Variants in UNC119B observed in about 807,000 individuals in gnomAD.
UNC119B encodes unc-119 lipid binding chaperone B, also known as protein unc-119 homolog B.
UNC119B carries 16 observed loss-of-function variants against 23.4 expected under a neutral mutation model. The ratio of observed to expected loss-of-function variants is 0.68; its 90% CI spans 0.46 to 1.04. The LOEUF (loss-of-function observed/expected upper bound fraction) is 1.04. Among genes scored for constraint, UNC119B ranks in the 50% least tolerant of loss-of-function variants. UNC119B has a pLI of 0.00. For missense variants in UNC119B, 350 were observed against 361.3 expected (o/e 0.97, Z 0.25); for synonymous variants, 144 against 145.4 (o/e 0.99, Z 0.07).
In UNC119B at chr12:120,710,563, C is replaced by T. The variant is rs1882637768; in HGVS notation, c.89C>T (p.Ala30Val). 5 of 1,393,962 alleles carry T rather than the reference C, an allele frequency of 3.6e-6. No homozygotes were observed. The South Asian group carries it at 4.7e-5, about 13-fold the overall frequency. The allele number at this position is 1,393,962 out of a possible 1,614,324, so 86.3% of individuals were successfully genotyped here. A position where few individuals can be genotyped will look rare whatever the true frequency, so the allele number is the denominator to read the frequency against. ...GCTGGCAAGGAGGAGAAGAAGAAGGCGGGCGGCGGCGTCCTGAACCGCCTG... is the reference window on the plus strand; with the variant it reads ...GCTGGCAAGGAGGAGAAGAAGAAGGTGGGCGGCGGCGTCCTGAACCGCCTG... ...LVAGKEEKKK[A>V]GGGVLNRLKA... Residue 30 changes from alanine to valine, a missense_variant, in exon 1 of 5, where the codon GCG becomes GTG. Coordinates refer to ENST00000344651, the MANE Select transcript of UNC119B (RefSeq NM_001080533.3).
chr12:120,716,512 C>T (rs1882782646), intron 2 of UNC119B, 116 bp from the exon 3 acceptor site: 1 of 1,067,740 alleles, frequency 9.4e-7, no homozygotes. Context: ...ACTGGCCATT[C>T]TTCTTGTTGG....
At chr12:120,714,826 C>G (rs941583393) in intron 2 of UNC119B, among the ~76,000 whole-genome samples, 3 of 152,112 alleles carry the variant, frequency 2.0e-5, no homozygotes, top group Non-Finnish European at 4.4e-5. Context: ...GCTGAAGATA[C>G]TGTAAAGTAT....
Position 120,717,009 on chromosome 12 carries a change from A to C in UNC119B, c.610A>C (p.Ile204Leu). 7 of 1,607,770 alleles carry C rather than the reference A, an allele frequency of 4.4e-6. No individual in the cohort carries two copies. Among genetic ancestry groups the C allele is most frequent in the Non-Finnish European group, 5.9e-6 (7 of 1,176,676 alleles). Reference sequence around the variant, plus strand: ...CAGCAGTAGGAACACTTGTGAACATATCTATGAGTTTCCCCAGCTTTCGGA... The same window carrying C: ...CAGCAGTAGGAACACTTGTGAACATCTCTATGAGTTTCCCCAGCTTTCGGA... The part of the protein sequence containing the change: ...IPSSRNTCEH[I>L]YEFPQLSEDV... Residue 204 changes from isoleucine to leucine, a missense_variant, in exon 4 of 5, where the codon ATC becomes CTC. Coordinates refer to ENST00000344651, the MANE Select transcript of UNC119B (RefSeq NM_001080533.3).
In UNC119B at chr12:120,716,894, A is replaced by C. The variant is rs148052068; in HGVS notation, c.495A>C (p.Lys165Asn). 8.7e-6 allele frequency: 14 copies of C among 1,612,140 alleles called. No individual in the cohort carries two copies. Among genetic ancestry groups the C allele is most frequent in the Non-Finnish European group, 1.1e-5 (13 of 1,178,858 alleles). Residue 165 changes from lysine to asparagine, a missense_variant, in exon 4 of 5, where the codon AAA becomes AAC. Coordinates refer to ENST00000344651, the MANE Select transcript of UNC119B (RefSeq NM_001080533.3). ...GGGTGGAGTTCACAGTGGGAGACAA[A>C]CCTGTTTCAAACTTCCGGATGATCG... ...GATVEFTVGD[K>N]PVSNFRMIER...
At position 120,710,708 on chromosome 12, in the gene UNC119B, G is replaced by C; in HGVS notation, c.234G>C (p.Arg78=). 2 of 1,424,840 alleles carry C rather than the reference G, an allele frequency of 1.4e-6. No homozygotes were observed. The highest frequency in any genetic ancestry group is 1.8e-6 in the Non-Finnish European group (2 of 1,092,204). 88.3% of individuals were successfully genotyped at this position (1,424,840 alleles called of 1,614,324 possible). ...IRPEHVLRLS[R]VTENYLCKPE... ...CCGAGCACGTCCTGCGCCTCAGCCGGGTCACCGAGAGTGAGTGCCGCGCGG... is the reference window on the plus strand; with the variant it reads ...CCGAGCACGTCCTGCGCCTCAGCCGCGTCACCGAGAGTGAGTGCCGCGCGG... The change falls in exon 1 of 5, where the codon CGG becomes CGC. Residue 78 remains arginine (R), a synonymous_variant. Coordinates refer to ENST00000344651, the MANE Select transcript of UNC119B (RefSeq NM_001080533.3).
Position 120,710,576 on chromosome 12 carries a change from C to G in UNC119B, c.102C>G (p.Val34=), listed in dbSNP as rs1473648972. The G allele has an allele frequency of 1.4e-6, 2 of 1,416,406 alleles. No homozygotes were observed. The highest frequency in any genetic ancestry group is 1.5e-5 in the South Asian group (1 of 68,774). The allele number at this position is 1,416,406 out of a possible 1,614,324, so 87.7% of individuals were successfully genotyped here. A position where few individuals can be genotyped will look rare whatever the true frequency, so the allele number is the denominator to read the frequency against. Residue 34 remains valine (V), a synonymous_variant, in exon 1 of 5, where the codon GTC becomes GTG. Coordinates refer to ENST00000344651, the MANE Select transcript of UNC119B (RefSeq NM_001080533.3). ...AGAAGAAGAAGGCGGGCGGCGGCGT[C>G]CTGAACCGCCTGAAGGCGCGGCGGC... The part of the protein sequence containing the change: ...KEEKKKAGGG[V]LNRLKARRQA...
At chr12:120,711,500 T>G (rs1485056766) in intron 1 of UNC119B, 1 of 152,250 alleles carries the variant, frequency 6.6e-6, no homozygotes, top group Non-Finnish European at 1.5e-5. Context: ...TGTTGCCCAG[T>G]CCCTGCCCTG....
chr12:120,716,706 C>A lies in UNC119B; in HGVS notation c.437C>A (p.Pro146Gln). Residue 146 changes from proline to glutamine, a missense_variant, in exon 3 of 5, where the codon CCG (proline) becomes CAG (glutamine). Coordinates refer to ENST00000344651, the MANE Select transcript of UNC119B (RefSeq NM_001080533.3). ...CGTTTTGTCCGCTATCAGTTCACAC[C>A]GGCATTTCTCCGCCTCCGGACAGTC... The part of the protein sequence containing the change: ...AGRFVRYQFT[P>Q]AFLRLRTVGA... The A allele has an allele frequency of 6.2e-7, 1 of 1,614,142 alleles. No individual in the cohort carries two copies. Among genetic ancestry groups the A allele is most frequent in the Non-Finnish European group, 8.5e-7 (1 of 1,180,034 alleles).
intron 1 of UNC119B, chr12:120,710,945 A>G: frequency 4.7e-6 from 1 of 214,660 alleles, no homozygotes; most frequent in East Asian, 9.4e-5. Context: ...GAGTCCGGCC[A>G]CGCTAGGATG....
chr12:120,717,706 GCACC>G (rs1882810813), intron 4 of UNC119B, among the ~76,000 whole-genome samples: 1 of 150,812 alleles, frequency 6.6e-6, no homozygotes, highest in African/African-American at 2.4e-5. Context: ...GGGATTATAG[GCACC>G]TGCCACCATG....
chr12:120,710,511 T>G lies in UNC119B; in HGVS notation c.37T>G (p.Ser13Ala). The change falls in exon 1 of 5, where the codon TCG (serine) becomes GCG (alanine). Residue 13 changes from serine (S) to alanine (A), a missense_variant. Ser to Ala is a moderately conservative substitution (Grantham distance 99). Coordinates refer to ENST00000344651, the MANE Select transcript of UNC119B (RefSeq NM_001080533.3). ...TAACCCGAAGGCTGCGGCCGCGGCGTCGGCGGCTGGGCCCGGGGGGCTGGT... is the reference window on the plus strand; with the variant it reads ...TAACCCGAAGGCTGCGGCCGCGGCGGCGGCGGCTGGGCCCGGGGGGCTGGT... ...GSNPKAAAAA[S>A]AAGPGGLVAG... 7.3e-7 allele frequency: 1 copy of G among 1,362,766 alleles called. No homozygotes were observed. The highest frequency in any genetic ancestry group is 9.4e-7 in the Non-Finnish European group (1 of 1,065,228). The allele number at this position is 1,362,766 out of a possible 1,614,324, so 84.4% of individuals were successfully genotyped here.
Position 120,716,689 on chromosome 12 carries a change from C to G in UNC119B, c.420C>G (p.Val140=), listed in dbSNP as rs751300030. Residue 140 remains valine (V), a synonymous_variant, in exon 3 of 5, where the codon GTC becomes GTG. Coordinates refer to ENST00000344651, the MANE Select transcript of UNC119B (RefSeq NM_001080533.3). The stretch of plus-strand genomic sequence containing the variant: ...TGGACATCAGCGCAGGACGTTTTGT[C>G]CGCTATCAGTTCACACCGGCATTTC... ...GDVDISAGRF[V]RYQFTPAFLR... 1.2e-6 allele frequency: 2 copies of G among 1,614,142 alleles called. No individual in the cohort carries two copies. The highest frequency in any genetic ancestry group is 1.7e-6 in the Non-Finnish European group (2 of 1,180,010).
rs1026367284 is a variant in UNC119B, at chr12:120,720,170, G to A, written c.*138G>A. The A allele has an allele frequency of 1.2e-5, 8 of 644,826 alleles. No homozygotes were observed. Among genetic ancestry groups the A allele is most frequent in the South Asian group, 1.9e-5 (1 of 52,302 alleles). The allele number at this position is 644,826 out of a possible 1,614,324, so 39.9% of individuals were successfully genotyped here. A position where few individuals can be genotyped will look rare whatever the true frequency, so the allele number is the denominator to read the frequency against. On this transcript the variant is annotated 3_prime_UTR_variant, in exon 5 of 5. Transcript: ENST00000344651. ...GCCAAGGCTGGGGTGGCAGTTTCCT[G>A]CGCGCCAAAGGAGCTGCCAAACAGT...
At chr12:120,712,015 C>A (rs182956625) in intron 1 of UNC119B, among the ~76,000 whole-genome samples, 1 of 152,144 alleles carries the variant, frequency 6.6e-6, no homozygotes, top group Non-Finnish European at 1.5e-5. Context: ...TCATTTGGGG[C>A]TCTGAAAGTA....
chr12:120,714,752 T>G (rs1239815187), intron 2 of UNC119B, among the ~76,000 whole-genome samples: 1 of 129,480 alleles, frequency 7.7e-6, no homozygotes, highest in Admixed American at 8.2e-5. Context: ...TACAGGTATG[T>G]GGATTTGGAT....
At position 120,722,742 on chromosome 12, in the gene UNC119B, A is replaced by G. The variant is rs1042608357; in HGVS notation, c.*2710A>G. ...AGCCTTTGGGCCAAAATGCCCTTCTAGCTTCTCCAAAGAAGATCCGAGTTT... is the reference window on the plus strand; with the variant it reads ...AGCCTTTGGGCCAAAATGCCCTTCTGGCTTCTCCAAAGAAGATCCGAGTTT... On this transcript the variant is annotated 3_prime_UTR_variant, in exon 5 of 5. Transcript: ENST00000344651. 1.3e-5 allele frequency: 2 copies of G among 152,348 alleles called. No homozygotes were observed. The highest frequency in any genetic ancestry group is 2.4e-5 in the African/African-American group (1 of 41,586). 9.4% of individuals were successfully genotyped at this position (152,348 alleles called of 1,614,324 possible).
At chr12:120,717,941 G>A (rs1048153776) in intron 4 of UNC119B, among the ~76,000 whole-genome samples, 1 of 149,998 alleles carries the variant, frequency 6.7e-6, no homozygotes, top group African/African-American at 2.5e-5. Context: ...GCGCAATCTC[G>A]GCTCACTGCA....
Position 120,720,425 on chromosome 12 carries a change from C to T in UNC119B, c.*393C>T. On this transcript the variant is annotated 3_prime_UTR_variant, in exon 5 of 5. Coordinates refer to ENST00000344651, the MANE Select transcript of UNC119B (RefSeq NM_001080533.3). ...AGCAGGTCAGCAGCTCTTAAGGTTC[C>T]TGGGTGCTGTGGGAAGCTGAAAGGT... The T allele has an allele frequency of 5.9e-6, 1 of 170,772 alleles. No homozygotes were observed. The highest frequency in any genetic ancestry group is 1.2e-5 in the Non-Finnish European group (1 of 80,294). The allele number at this position is 170,772 out of a possible 1,614,324, so 10.6% of individuals were successfully genotyped here. A position where few individuals can be genotyped will look rare whatever the true frequency, so the allele number is the denominator to read the frequency against.
intron 4 of UNC119B, among the ~76,000 whole-genome samples, chr12:120,719,238 C>T (rs543083912): frequency 2.0e-5 from 3 of 152,326 alleles, no homozygotes; most frequent in African/African-American, 7.2e-5. Flanking sequence ...TAATCATTAA[C>T]TCAAAACTGA....
Sources: allele counts gnomAD v4.1 joint callset (sites outside exome capture counted in the v4.1 genomes callset), GRCh38; gene constraint gnomAD v4.1.1; transcripts MANE v1.5; gene names NCBI Gene and HGNC (gene_info 2026-07-23, HGNC 2026-07-21).